The following TRDN variants were observed in gnomAD, a reference collection of about 807,000 sequenced individuals.
TRDN encodes triadin, also known as triadin in skeletal muscle.
TRDN carries 161 observed loss-of-function variants against 149.7 expected under a neutral mutation model. The ratio of observed to expected loss-of-function variants is 1.08; its 90% confidence interval spans 0.95 to 1.23. The LOEUF is 1.23. Among genes scored for constraint, TRDN ranks in the 50% most tolerant of loss-of-function variants. The pLI is 0.00. For synonymous variants in TRDN, 294 were observed against 250.5 expected, an observed-to-expected ratio of 1.17 and a Z score of -1.64; for missense variants, 896 against 823.5, an observed-to-expected ratio of 1.09 and a Z score of -1.08.
chr6:123,480,806 C>T (rs1777714835), intron 9 of TRDN, among the ~76,000 whole-genome samples: 2 of 151,990 alleles, frequency 1.3e-5, no homozygotes, highest in South Asian at 4.1e-4. Flanking sequence ...TTTTTGTAAA[C>T]TACCTAAACA....
At chr6:123,291,102 A>G (rs904902765) in intron 24 of TRDN, among the ~76,000 whole-genome samples, 2 of 152,114 alleles carry the variant, frequency 1.3e-5, no homozygotes, top group African/African-American at 4.8e-5. Context: ...GGTTTCAGTG[A>G]GCCGAGACTG....
chr6:123,456,818 C>T (rs1002972345), intron 10 of TRDN: 1 of 455,820 alleles, frequency 2.2e-6, no homozygotes, highest in African/African-American at 2.0e-5. Context: ...TACACTTGGT[C>T]TTGAAGATGC....
chr6:123,279,544 C>G (rs1049394299), intron 24 of TRDN, among the ~76,000 whole-genome samples: 1 of 151,904 alleles, frequency 6.6e-6, no homozygotes, highest in Non-Finnish European at 1.5e-5. Context: ...TGTTTTCTTA[C>G]AAATGCCATC....
intron 29 of TRDN, 143 bp from the exon 30 acceptor site, chr6:123,271,329 T>C (rs1451277049): frequency 1.9e-6 from 1 of 520,876 alleles, no homozygotes; most frequent in Non-Finnish European, 3.4e-6. Context: ...AAACATCTTC[T>C]ATTCAAATTG....
intron 9 of TRDN, chr6:123,468,764 A>T (rs1776984687): frequency 6.6e-6 from 1 of 152,154 alleles, no homozygotes; most frequent in African/African-American, 2.4e-5. Flanking sequence ...TCTTGTAACA[A>T]ATGTTAAGGC....
intron 12 of TRDN, among the ~76,000 whole-genome samples, chr6:123,400,809 T>C (rs961491277): frequency 6.6e-6 from 1 of 152,212 alleles, no homozygotes; most frequent in African/African-American, 2.4e-5. Context: ...ATTCTGTTTT[T>C]CCTTTCCTAG....
At position 123,307,404 on chromosome 6, in the gene TRDN, C is replaced by T. The variant is rs1325933272; in HGVS notation, c.1510+9053G>A. ...TGCTCCTCCTCTTCATGGAATACTT[C>T]ACCCTATCATAAACATGAAGACAGT... On this transcript the variant is annotated intron_variant, in intron 24 of 40. Coordinates refer to ENST00000334268, the MANE Select transcript of TRDN (RefSeq NM_006073.4). Among the ~76,000 whole-genome samples, 8 of 152,094 alleles carry T rather than the reference C, an allele frequency of 5.3e-5. No homozygotes were observed. In the South Asian group the frequency reaches 8.3e-4, roughly 16 times the overall value.
chr6:123,332,078 G>T, intron 22 of TRDN, 149 bp from the exon 23 acceptor site: 1 of 574,652 alleles, frequency 1.7e-6, no homozygotes, highest in Non-Finnish European at 3.0e-6. Context: ...ACTCATATAG[G>T]GACAAAGAAA....
At chr6:123,362,385 C>T (rs1780939718) in intron 20 of TRDN, among the ~76,000 whole-genome samples, 1 of 152,148 alleles carries the variant, frequency 6.6e-6, no homozygotes, top group Non-Finnish European at 1.5e-5. Flanking sequence ...CATCACCTCC[C>T]TAATTGCCCA....
intron 34 of TRDN, 94 bp downstream of exon 34, chr6:123,260,518 A>G (rs975786287): frequency 8.4e-6 from 11 of 1,308,516 alleles, no homozygotes; most frequent in African/African-American, 1.5e-5. Flanking sequence ...TTGAGCAGCT[A>G]AGGGATTTTC....
intron 4 of TRDN, among the ~76,000 whole-genome samples, chr6:123,531,124 T>C (rs1465654359): frequency 1.3e-5 from 2 of 152,028 alleles, no homozygotes; most frequent in Non-Finnish European, 2.9e-5. Context: ...ACTTTTTTTC[T>C]AAACATCAGG....
intron 1 of TRDN, among the ~76,000 whole-genome samples, chr6:123,573,323 G>GCA (rs1782671489): frequency 6.6e-6 from 1 of 151,986 alleles, no homozygotes; most frequent in Admixed American, 6.6e-5. Context: ...CCTGGTACAT[G>GCA]GTAGTCATTT....
At chr6:123,228,003 G>T (rs951187080) in intron 38 of TRDN, among the ~76,000 whole-genome samples, 2 of 139,746 alleles carry the variant, frequency 1.4e-5, no homozygotes, top group African/African-American at 2.5e-5. Flanking sequence ...TAGTACACCT[G>T]CTATGTGCCA....
At chr6:123,596,020 A>G (rs551296362) in intron 1 of TRDN, among the ~76,000 whole-genome samples, 1 of 152,226 alleles carries the variant, frequency 6.6e-6, no homozygotes, top group East Asian at 1.9e-4. Flanking sequence ...TTAGTGAGGA[A>G]GCCATGTTCA....
chr6:123,505,863 T>C (rs953883297), intron 7 of TRDN, among the ~76,000 whole-genome samples: 20 of 152,004 alleles, frequency 1.3e-4, no homozygotes, highest in Non-Finnish European at 2.5e-4. Context: ...CCAAGCCCAG[T>C]TAATTTTGTA....
At chr6:123,522,955 T>C (rs1188125765) in intron 5 of TRDN, among the ~76,000 whole-genome samples, 1 of 152,076 alleles carries the variant, frequency 6.6e-6, no homozygotes, top group Non-Finnish European at 1.5e-5. Flanking sequence ...AACAGAATCA[T>C]AAAAGGGAGT....
chr6:123,601,528 T>C (rs991389558), intron 1 of TRDN, among the ~76,000 whole-genome samples: 2 of 152,154 alleles, frequency 1.3e-5, no homozygotes, highest in African/African-American at 4.8e-5. Context: ...ATCTTTGCCA[T>C]GGCTCCAGTT....
intron 12 of TRDN, among the ~76,000 whole-genome samples, chr6:123,435,891 G>T (rs1774541383): frequency 6.6e-6 from 1 of 151,882 alleles, no homozygotes; most frequent in African/African-American, 2.4e-5. Flanking sequence ...AATAACACAG[G>T]TCTCCCAGTG....
At chr6:123,351,893 A>G (rs1780475344) in intron 21 of TRDN, 13 of 984,868 alleles carry the variant, frequency 1.3e-5, no homozygotes, top group Non-Finnish European at 1.6e-5. Context: ...CATCACTTTA[A>G]ATGTTTTAAG....
Sources: gnomAD v4.1 joint callset for allele counts (sites outside exome capture counted in the v4.1 genomes callset) on GRCh38, gnomAD v4.1.1 for gene constraint, MANE v1.5 for transcripts, NCBI Gene and HGNC (gene_info 2026-07-23, HGNC 2026-07-21) for gene names.